The following DOCK2 variants were observed in gnomAD, a reference collection of about 807,000 sequenced individuals.
The protein encoded by DOCK2 is dedicator of cytokinesis 2, also known as dedicator of cytokinesis protein 2.
DOCK2 carries 87 observed loss-of-function variants against 248.9 expected under a neutral mutation model. The ratio of observed to expected loss-of-function variants is 0.35; its 90% CI spans 0.29 to 0.42. DOCK2 has a LOEUF of 0.42. Among genes scored for constraint, DOCK2 ranks in the 10% least tolerant of loss-of-function variants. The pLI is 1.00. For synonymous variants in DOCK2, 805 were observed against 821.6 expected (o/e 0.98, Z 0.35); for missense variants, 1,747 against 2,300.2 (o/e 0.76, Z 4.92).
chr5:169,782,605 T>G (rs1348676820), intron 25 of DOCK2, among the ~76,000 whole-genome samples: 1 of 151,852 alleles, frequency 6.6e-6, no homozygotes, highest in Non-Finnish European at 1.5e-5. Flanking sequence ...TTTCTACGCC[T>G]TAGGGTCAGA....
At chr5:169,762,186 C>A (rs1207172243) in intron 25 of DOCK2, among the ~76,000 whole-genome samples, 1 of 152,126 alleles carries the variant, frequency 6.6e-6, no homozygotes, top group Non-Finnish European at 1.5e-5. Flanking sequence ...CTGTGCATGG[C>A]TAATCCCAGT....
At chr5:169,702,984 G>A (rs916644777) in intron 14 of DOCK2, among the ~76,000 whole-genome samples, 17 of 152,136 alleles carry the variant, frequency 1.1e-4, no homozygotes, top group East Asian at 3.8e-4. Context: ...AATGCAAAGC[G>A]CATTGCTATA....
intron 21 of DOCK2, 143 bp downstream of exon 21, chr5:169,717,627 T>G: frequency 2.7e-6 from 2 of 741,414 alleles, no homozygotes; most frequent in Non-Finnish European, 4.6e-6. Flanking sequence ...AACCTATGCT[T>G]GGGTTATTTG....
intron 6 of DOCK2, 118 bp from the exon 7 acceptor site, chr5:169,681,626 C>A: frequency 7.9e-7 from 1 of 1,272,940 alleles, no homozygotes; most frequent in Non-Finnish European, 1.1e-6. Context: ...CAGTGTAGAG[C>A]TCTTCTATGT....
At chr5:169,936,599 T>TA (rs1554119505) in intron 27 of DOCK2, among the ~76,000 whole-genome samples, 2 of 130,786 alleles carry the variant, frequency 1.5e-5, no homozygotes, top group Admixed American at 7.4e-5. Context: ...TTTTTTTTTT[T>TA]ATGAATTAGC....
chr5:169,927,151 G>C (rs1039931948), intron 27 of DOCK2, among the ~76,000 whole-genome samples: 1 of 152,230 alleles, frequency 6.6e-6, no homozygotes, highest in African/African-American at 2.4e-5. Context: ...ATTTGCAAAA[G>C]TTCAAGATGG....
chr5:169,834,820 A>G (rs772865481), intron 26 of DOCK2, among the ~76,000 whole-genome samples: 9 of 152,258 alleles, frequency 5.9e-5, no homozygotes, highest in Admixed American at 2.6e-4. Flanking sequence ...ATTAAAGAGA[A>G]CTAAGGAACA....
intron 47 of DOCK2, among the ~76,000 whole-genome samples, chr5:170,077,409 A>G (rs1757872095): frequency 6.6e-6 from 1 of 152,350 alleles, no homozygotes; most frequent in Non-Finnish European, 1.5e-5. Flanking sequence ...ATCAGGAGCC[A>G]TCTTATTAGC....
At chr5:169,858,204 C>G (rs1331091837) in intron 27 of DOCK2, among the ~76,000 whole-genome samples, 1 of 152,226 alleles carries the variant, frequency 6.6e-6, no homozygotes, top group East Asian at 1.9e-4. Context: ...CTTAGGAAGA[C>G]TTCAGTCTAG....
Position 169,996,076 on chromosome 5 carries a change from C to T in DOCK2, c.2994-10C>T. On this transcript the variant is annotated splice_polypyrimidine_tract_variant and intron_variant, in intron 29 of 51. Coordinates refer to ENST00000520908, the MANE Select transcript of DOCK2 (RefSeq NM_004946.3). The stretch of plus-strand genomic sequence containing the variant: ...CTCAGACAGTCTGGTAATTTTCTGC[C>T]CTCTTCCAGGGTCTTCCTGAGAGCT... 1 of 1,613,378 alleles carries T rather than the reference C, an allele frequency of 6.2e-7. No individual in the cohort carries two copies. Among genetic ancestry groups the T allele is most frequent in the Non-Finnish European group, 8.5e-7 (1 of 1,179,658 alleles).
chr5:169,685,908 C>T (rs1759946326), intron 8 of DOCK2, among the ~76,000 whole-genome samples: 1 of 152,198 alleles, frequency 6.6e-6, no homozygotes, highest in Non-Finnish European at 1.5e-5. Context: ...CAAGCTATTT[C>T]CCACGTAAGT....
At chr5:169,765,713 A>AG (rs1482009314) in intron 25 of DOCK2, among the ~76,000 whole-genome samples, 3 of 152,220 alleles carry the variant, frequency 2.0e-5, no homozygotes, top group Non-Finnish European at 4.4e-5. Flanking sequence ...AGAGGGAAGA[A>AG]GGGGGGAGAG....
chr5:169,901,830 G>T (rs148329780), intron 27 of DOCK2, among the ~76,000 whole-genome samples: 1 of 152,284 alleles, frequency 6.6e-6, no homozygotes, highest in Non-Finnish European at 1.5e-5. Flanking sequence ...CATGTGCTAT[G>T]GTGTTACCAC....
At chr5:169,695,970 A>G in intron 10 of DOCK2, 32 bp downstream of exon 10, 1 of 1,555,630 alleles carries the variant, frequency 6.4e-7, no homozygotes, top group Non-Finnish European at 8.7e-7. Flanking sequence ...ATTGATTTTT[A>G]TGGGAGCGCA....
intron 25 of DOCK2, among the ~76,000 whole-genome samples, chr5:169,799,620 TAATA>T (rs146324087): frequency 5.3e-4 from 80 of 152,332 alleles, no homozygotes; most frequent in African/African-American, 1.8e-3. Flanking sequence ...TTACCCTGCT[TAATA>T]AATACATCTG....
At chr5:169,646,691 A>C (rs996386328) in intron 1 of DOCK2, among the ~76,000 whole-genome samples, 2 of 152,364 alleles carry the variant, frequency 1.3e-5, no homozygotes, top group East Asian at 3.9e-4. Context: ...ACTTCTTCCC[A>C]TTAAAATATG....
rs192923249 is a variant in DOCK2, at chr5:169,820,974, A to G, written c.2703+17768A>G. ...GGCACGAGAACTACGTGACGAATGC[A>G]CAAGCTTCAGTAGCCGATTCAATCA... On this transcript the variant is annotated intron_variant, in intron 26 of 51. Coordinates refer to ENST00000520908, the MANE Select transcript of DOCK2 (RefSeq NM_004946.3). Among the ~76,000 whole-genome samples, 709 of 152,370 alleles carry G rather than the reference A, an allele frequency of 4.7e-3. 7 individuals carry two copies. Among genetic ancestry groups the G allele is most frequent in the African/African-American group, 0.017 (688 of 41,586 alleles).
chr5:169,823,506 C>G (rs1202104288), intron 26 of DOCK2, among the ~76,000 whole-genome samples: 2 of 152,054 alleles, frequency 1.3e-5, no homozygotes, highest in African/African-American at 4.8e-5. Context: ...ATAAACAGAA[C>G]CAAAGACAAA....
intron 1 of DOCK2, among the ~76,000 whole-genome samples, chr5:169,647,592 C>A (rs927007345): frequency 2.0e-5 from 3 of 152,094 alleles, no homozygotes; most frequent in Non-Finnish European, 4.4e-5. Flanking sequence ...GTCACTCTAC[C>A]AAGCTCACCA....
Sources: allele counts gnomAD v4.1 joint callset (sites outside exome capture counted in the v4.1 genomes callset), GRCh38; gene constraint gnomAD v4.1.1; transcripts MANE v1.5; gene names NCBI Gene and HGNC (gene_info 2026-07-23, HGNC 2026-07-21).